TENM2: variants seen among roughly 807,000 people sequenced by gnomAD.
The protein encoded by TENM2 is teneurin transmembrane protein 2, also known as teneurin-2.
A neutral mutation model predicts 245.2 loss-of-function variants in TENM2; 52 were observed. The ratio of observed to expected loss-of-function variants is 0.21; its 90% CI spans 0.17 to 0.27. TENM2 has a LOEUF of 0.27. Among genes scored for constraint, TENM2 ranks in the 10% least tolerant of loss-of-function variants. TENM2 has a pLI of 1.00. For synonymous variants in TENM2, 1,363 were observed against 1,438.9 expected (o/e 0.95, Z 1.19); for missense variants, 3,046 against 3,666.8 (o/e 0.83, Z 4.37).
At chr5:167,157,737 T>A in the TENM2 span, among the ~76,000 whole-genome samples, 2 of 152,244 alleles carry the variant, frequency 1.3e-5, no homozygotes, top group African/African-American at 2.4e-5. Flanking sequence ...GTGTCCAGTG[T>A]GTTTTAGAGG....
intron 2 of TENM2, among the ~76,000 whole-genome samples, chr5:167,398,277 T>C (rs947379067): frequency 7.9e-5 from 12 of 152,184 alleles, no homozygotes; most frequent in Admixed American, 7.9e-4. Context: ...CAATAAGATC[T>C]CAAAACACTA....
At chr5:168,090,508 A>C (rs1792845622) in intron 7 of TENM2, 66 bp from the exon 10 acceptor site, 131 of 1,307,668 alleles carry the variant, frequency 1.0e-4, no homozygotes, top group South Asian at 1.3e-4. Flanking sequence ...TTCGGGGGGA[A>C]GGTACCAGGT....
At chr5:168,259,922 C>T (rs1195404255) in intron 27 of TENM2, among the ~76,000 whole-genome samples, 1 of 152,218 alleles carries the variant, frequency 6.6e-6, no homozygotes, top group African/African-American at 2.4e-5. Context: ...CATAACAACC[C>T]AATGAGACCG....
intron 2 of TENM2, among the ~76,000 whole-genome samples, chr5:167,677,184 A>G (rs534175520): frequency 6.6e-6 from 1 of 152,256 alleles, no homozygotes; most frequent in South Asian, 2.1e-4. Context: ...AGAATAATAT[A>G]ACCTGAAATG....
intron 5 of TENM2, among the ~76,000 whole-genome samples, chr5:168,011,077 A>G (rs1270731149): frequency 6.6e-6 from 1 of 152,238 alleles, no homozygotes; most frequent in Non-Finnish European, 1.5e-5. Context: ...TCCAAATATT[A>G]TCACTCCTTG....
intron 10 of TENM2, 45 bp from the exon 13 acceptor site, chr5:168,124,805 T>A: frequency 6.5e-7 from 1 of 1,534,600 alleles, no homozygotes; most frequent in South Asian, 1.2e-5. Flanking sequence ...CCTCCATGGG[T>A]GATTAATACT....
chr5:167,579,108 T>C (rs907577633), intron 2 of TENM2, among the ~76,000 whole-genome samples: 4 of 152,178 alleles, frequency 2.6e-5, no homozygotes, highest in Admixed American at 6.5e-5. Flanking sequence ...CCCACCATTT[T>C]AATACTATCA....
exon 17 of TENM2, chr5:168,199,960 A>G (rs1761785166): frequency 1.2e-6 from 2 of 1,613,894 alleles, no homozygotes; most frequent in African/African-American, 1.3e-5. Context: ...GAAGATCACC[A>G]TGACCCAGTC....
At chr5:168,215,486 G>A (rs1344037055) in intron 21 of TENM2, among the ~76,000 whole-genome samples, 4 of 152,106 alleles carry the variant, frequency 2.6e-5, no homozygotes, top group Non-Finnish European at 5.9e-5. Context: ...GGCTAACATG[G>A]TGAAACCCCA....
At chr5:167,823,396 A>G (rs1767699097) in intron 2 of TENM2, among the ~76,000 whole-genome samples, 1 of 152,190 alleles carries the variant, frequency 6.6e-6, no homozygotes, top group Non-Finnish European at 1.5e-5. Flanking sequence ...ACTCACACAC[A>G]CGCACACACA....
intron 13 of TENM2, among the ~76,000 whole-genome samples, chr5:168,167,302 G>T (rs1047196211): frequency 6.6e-6 from 1 of 151,950 alleles, no homozygotes; most frequent in African/African-American, 2.4e-5. Context: ...TCCTCTAAAA[G>T]TGGGAACTGC....
chr5:167,371,901 C>T (rs1760462068), intron 1 of TENM2, among the ~76,000 whole-genome samples: 1 of 152,066 alleles, frequency 6.6e-6, no homozygotes, highest in Non-Finnish European at 1.5e-5. Flanking sequence ...TCACCAGCTT[C>T]ATATGTTAAG....
At chr5:167,270,909 C>T in the TENM2 span, among the ~76,000 whole-genome samples, 148,339 of 152,282 alleles carry the variant, frequency 0.97, 72,277 homozygotes, top group East Asian at 1. Flanking sequence ...CAGCTAAGAA[C>T]ATCTGTGTTG....
chr5:167,412,615 T>C (rs980220522), intron 2 of TENM2, among the ~76,000 whole-genome samples: 7 of 152,164 alleles, frequency 4.6e-5, no homozygotes, highest in African/African-American at 1.7e-4. Context: ...GCATACTTCT[T>C]CCTTGAATCA....
intron 2 of TENM2, among the ~76,000 whole-genome samples, chr5:167,468,656 C>A (rs1419548940): frequency 6.6e-6 from 1 of 152,144 alleles, no homozygotes; most frequent in Non-Finnish European, 1.5e-5. Flanking sequence ...AAATTTATAG[C>A]AATTCTCTTT....
intron 2 of TENM2, among the ~76,000 whole-genome samples, chr5:167,673,522 A>T (rs1756102813): frequency 6.6e-6 from 1 of 152,106 alleles, no homozygotes. Flanking sequence ...TCCACTATGT[A>T]AACTATATGT....
intron 2 of TENM2, among the ~76,000 whole-genome samples, chr5:167,484,155 A>T (rs1337055928): frequency 1.3e-5 from 2 of 152,060 alleles, no homozygotes; most frequent in Admixed American, 1.3e-4. Context: ...GACCAGCCTG[A>T]CCAATATGGT....
chr5:167,158,625 TCTC>T, the TENM2 span, among the ~76,000 whole-genome samples: 2 of 152,074 alleles, frequency 1.3e-5, no homozygotes, highest in African/African-American at 4.8e-5. Context: ...AAGGCCATCT[TCTC>T]CTTATATCTT....
At chr5:167,257,462 C>T in the TENM2 span, among the ~76,000 whole-genome samples, 2 of 151,768 alleles carry the variant, frequency 1.3e-5, no homozygotes, top group Admixed American at 6.6e-5. Context: ...TGGGTATATC[C>T]TAATTCCTTT....
Sources: allele counts gnomAD v4.1 joint callset (sites outside exome capture counted in the v4.1 genomes callset), GRCh38; gene constraint gnomAD v4.1.1; transcripts MANE v1.5; gene names NCBI Gene and HGNC (gene_info 2026-07-23, HGNC 2026-07-21).